Variants in TENM4 observed in about 807,000 individuals in gnomAD.
TENM4 encodes teneurin transmembrane protein 4.
In TENM4, 82 loss-of-function variants were observed where a neutral mutation model predicts 243.3. The observed-to-expected ratio is 0.34, with a 90% CI of 0.28 to 0.40. The LOEUF (loss-of-function observed/expected upper bound fraction) is 0.40, where lower values mean the gene tolerates loss of function less well. Ranked by LOEUF, TENM4 falls within the 10% of genes least tolerant of loss-of-function variation. TENM4 has a pLI of 1.00. For synonymous variants in TENM4, 1,412 were observed against 1,456.3 expected (o/e 0.97, Z 0.69); for missense variants, 3,138 against 3,673.3 (o/e 0.85, Z 3.77).
intron 26 of TENM4, among the ~76,000 whole-genome samples, chr11:78,711,308 G>C (rs957103565): frequency 6.6e-6 from 1 of 152,140 alleles, no homozygotes; most frequent in Non-Finnish European, 1.5e-5. Context: ...TACCATGTGC[G>C]GGGTACTACT....
At chr11:78,713,835 A>G (rs1168698496) in intron 25 of TENM4, among the ~76,000 whole-genome samples, 1 of 152,166 alleles carries the variant, frequency 6.6e-6, no homozygotes, top group Non-Finnish European at 1.5e-5. Flanking sequence ...GTACTGACAT[A>G]CAATTTCTTT....
intron 1 of TENM4, among the ~76,000 whole-genome samples, chr11:79,384,076 G>A (rs1858060398): frequency 6.6e-6 from 1 of 152,108 alleles, no homozygotes; most frequent in Non-Finnish European, 1.5e-5. Context: ...CAGCCAGACA[G>A]ACAGGCACAC....
intron 2 of TENM4, among the ~76,000 whole-genome samples, chr11:79,284,155 T>C (rs1856207533): frequency 6.6e-6 from 1 of 152,182 alleles, no homozygotes. Context: ...ATTTAATGTA[T>C]TCCCTACCAA....
intron 7 of TENM4, among the ~76,000 whole-genome samples, chr11:78,902,015 T>A (rs1473034159): frequency 6.6e-6 from 1 of 152,210 alleles, no homozygotes; most frequent in African/African-American, 2.4e-5. Context: ...ACTTTTCACA[T>A]GCAGGTTAAT....
chr11:79,230,960 G>T (rs55680030), intron 2 of TENM4, among the ~76,000 whole-genome samples: 20,624 of 152,146 alleles, frequency 0.14, 2,538 homozygotes, highest in African/African-American at 0.32. Flanking sequence ...GGATGTTTCT[G>T]TCAGCCCACC....
intron 2 of TENM4, among the ~76,000 whole-genome samples, chr11:79,269,415 A>C (rs767208623): frequency 6.6e-6 from 1 of 152,230 alleles, no homozygotes; most frequent in African/African-American, 2.4e-5. Flanking sequence ...CCTGAAGAGA[A>C]TAAAAACAAA....
chr11:79,377,700 C>G (rs545962825), intron 1 of TENM4, among the ~76,000 whole-genome samples: 2 of 152,172 alleles, frequency 1.3e-5, no homozygotes, highest in Non-Finnish European at 2.9e-5. Flanking sequence ...CCAAGCTAAG[C>G]CTTCACTTGC....
chr11:79,193,795 A>G (rs1430096814), intron 3 of TENM4, among the ~76,000 whole-genome samples: 3 of 152,174 alleles, frequency 2.0e-5, no homozygotes, highest in African/African-American at 7.2e-5. Flanking sequence ...GGTGATAGTC[A>G]ACCTGCCCAA....
chr11:79,118,283 A>G (rs184433521), intron 4 of TENM4, among the ~76,000 whole-genome samples: 2 of 152,334 alleles, frequency 1.3e-5, no homozygotes, highest in African/African-American at 4.8e-5. Context: ...GAAGAGAAAG[A>G]AACACTGTCA....
At chr11:78,732,702 G>A in intron 20 of TENM4, 125 bp from the exon 21 acceptor site, 4 of 1,125,972 alleles carry the variant, frequency 3.6e-6, no homozygotes, top group Non-Finnish European at 3.6e-6. Context: ...CTTGAGGGAG[G>A]CTCTAATGCC....
chr11:79,418,571 T>A (rs12275127), intron 1 of TENM4, among the ~76,000 whole-genome samples: 26,471 of 152,108 alleles, frequency 0.17, 2,429 homozygotes, highest in African/African-American at 0.2. Context: ...GCTCTAGCCC[T>A]ACTGAAACAT....
intron 2 of TENM4, among the ~76,000 whole-genome samples, chr11:79,277,589 G>A (rs1856080646): frequency 6.6e-6 from 1 of 152,156 alleles, no homozygotes; most frequent in Admixed American, 6.5e-5. Context: ...TTTTGAAAAT[G>A]GTGTGAGTGT....
intron 2 of TENM4, among the ~76,000 whole-genome samples, chr11:79,274,413 A>G (rs1856019057): frequency 6.6e-6 from 1 of 152,198 alleles, no homozygotes; most frequent in Non-Finnish European, 1.5e-5. Flanking sequence ...CACAAAATCA[A>G]CTAAATCAAG....
chr11:78,919,816 G>A (rs1445555956), intron 6 of TENM4, among the ~76,000 whole-genome samples: 2 of 151,868 alleles, frequency 1.3e-5, no homozygotes, highest in Admixed American at 6.6e-5. Flanking sequence ...TGCCTAACCC[G>A]CTGTGCTATC....
At chr11:79,299,217 C>T (rs957806941) in intron 1 of TENM4, among the ~76,000 whole-genome samples, 24 of 152,272 alleles carry the variant, frequency 1.6e-4, no homozygotes, top group African/African-American at 5.8e-4. Context: ...GGTCTGAAGT[C>T]CTTCAATGCA....
At chr11:79,150,574 T>G (rs1316500633) in intron 3 of TENM4, among the ~76,000 whole-genome samples, 1 of 152,184 alleles carries the variant, frequency 6.6e-6, no homozygotes, top group Non-Finnish European at 1.5e-5. Context: ...CCTTGTGGCT[T>G]TCAGCCTCTT....
At position 78,669,120 on chromosome 11, in the gene TENM4, G is replaced by A. The variant is rs1203991083; in HGVS notation, c.7225C>T (p.Pro2409Ser). The change falls in exon 32 of 34, where the codon CCA becomes TCA. Residue 2409 changes from proline to serine, a missense_variant. Around this residue, in one of 2 missense-constraint regions of TENM4, gnomAD observed 2,467 missense variants for 3,059.1 expected, o/e 0.81. Transcript: ENST00000278550. This position sits in a 1 kb window ranked among gnomAD's most constrained non-coding sequence, Gnocchi z 6.4. ...CCCATGTGGACAAGCTTGGTGAGTG[G>A]ATCATAGAGGCCACCATGGTAGCCT... ...IIGYHGGLYD[P>S]LTKLVHMGRR... 6 of 1,613,614 alleles carry A rather than the reference G, an allele frequency of 3.7e-6. No individual in the cohort carries two copies. Among genetic ancestry groups the A allele is most frequent in the Admixed American group, 1.7e-5 (1 of 59,954 alleles).
intron 33 of TENM4, 139 bp downstream of exon 33, chr11:78,661,310 G>GT: frequency 8.8e-7 from 1 of 1,142,250 alleles, no homozygotes; most frequent in African/African-American, 1.5e-5. Context: ...CTAAGTAGTT[G>GT]TTGAACAACC....
intron 1 of TENM4, among the ~76,000 whole-genome samples, chr11:79,416,827 G>T (rs368203641): frequency 1.3e-5 from 2 of 151,586 alleles, no homozygotes; most frequent in Non-Finnish European, 2.9e-5. Context: ...CAAAGCTTGC[G>T]TCTTCTATCT....
Sources: allele counts gnomAD v4.1 joint callset (sites outside exome capture counted in the v4.1 genomes callset), GRCh38; gene constraint gnomAD v4.1.1; regional missense constraint gnomAD v4.1.1; non-coding constraint Gnocchi (gnomAD v3.1); transcripts MANE v1.5; gene names NCBI Gene and HGNC (gene_info 2026-07-23, HGNC 2026-07-21).